The following MUC13 variants were observed in gnomAD, a reference collection of about 807,000 sequenced individuals.
MUC13 encodes the protein mucin 13, cell surface associated, also known as mucin-13.
MUC13 carries 32 observed loss-of-function variants against 48.3 expected under a neutral mutation model. The ratio of observed to expected loss-of-function variants is 0.66; its 90% CI spans 0.50 to 0.89. The LOEUF (loss-of-function observed/expected upper bound fraction) is 0.89. Among genes scored for constraint, MUC13 ranks in the 40% least tolerant of loss-of-function variants. The pLI is 0.00. For missense variants in MUC13, 571 were observed against 622.8 expected (o/e 0.92, Z 0.88); for synonymous variants, 199 against 224.9 (o/e 0.88, Z 1.03).
Position 124,923,583 on chromosome 3 carries a change from G to A in MUC13, c.581C>T (p.Thr194Ile). ...CCCTTCTAAACACAGGCAAAAACTT[G>A]TATTATGCAGCTTAACACATAACGA... is the stretch of plus-strand genomic sequence containing the variant. ...DNSLCVKLHN[T>I]SFCLCLEGYY... Residue 194 changes from threonine (T) to isoleucine (I), a missense_variant, in exon 3 of 12, where the codon ACA (threonine) becomes ATA (isoleucine). Coordinates refer to ENST00000616727, the MANE Select transcript of MUC13 (RefSeq NM_033049.4). The A allele has an allele frequency of 1.2e-6, 2 of 1,613,900 alleles. No individual in the cohort carries two copies. Among genetic ancestry groups the A allele is most frequent in the Non-Finnish European group, 8.5e-7 (1 of 1,179,836 alleles).
chr3:124,911,456 A>G (rs1372668414), intron 9 of MUC13, among the ~76,000 whole-genome samples: 1 of 152,252 alleles, frequency 6.6e-6, no homozygotes, highest in East Asian at 1.9e-4. Flanking sequence ...AATAAAATAC[A>G]GTAGAAATGG....
rs1935573525 is a variant in MUC13, at chr3:124,920,326, A to G, written c.745-37T>C. 4 of 1,543,978 alleles carry G rather than the reference A, an allele frequency of 2.6e-6. No individual in the cohort carries two copies. In the Admixed American group the frequency reaches 5.9e-5, roughly 23 times the overall value. ...AACAGATTTAATAACAAGTAAAAAA[A>G]ATTTTTTTTTCACATTTTCTACAAA... On this transcript the variant is annotated intron_variant, in intron 4 of 11. Transcript: ENST00000616727.
At chr3:124,929,192 T>G (rs1935750668) in intron 1 of MUC13, among the ~76,000 whole-genome samples, 1 of 148,868 alleles carries the variant, frequency 6.7e-6, no homozygotes. Context: ...TTTTTTTTTT[T>G]AGAGACATGG....
intron 1 of MUC13, among the ~76,000 whole-genome samples, chr3:124,929,822 A>G (rs147287188): frequency 8.5e-5 from 13 of 152,372 alleles, no homozygotes; most frequent in Non-Finnish European, 1.8e-4. Context: ...TGTCCTAACT[A>G]TCACTTGATT....
At chr3:124,910,358 AC>A (rs369802870) in intron 10 of MUC13, 56 bp downstream of exon 10, 77 of 1,576,108 alleles carry the variant, frequency 4.9e-5, no homozygotes, top group Admixed American at 2.6e-4. Flanking sequence ...ACATAGTGAG[AC>A]CCCCCCATCT....
chr3:124,909,097 C>T (rs1333496942), intron 10 of MUC13, among the ~76,000 whole-genome samples: 1 of 151,368 alleles, frequency 6.6e-6, no homozygotes, highest in Non-Finnish European at 1.5e-5. Flanking sequence ...GAGGTTGCAG[C>T]GAGCCAAGAT....
chr3:124,916,555 C>A, intron 5 of MUC13, 75 bp from the exon 6 acceptor site: 1 of 1,465,794 alleles, frequency 6.8e-7, no homozygotes, highest in Non-Finnish European at 9.3e-7. Flanking sequence ...TCCCAGACTC[C>A]CGAATCTCCC....
intron 2 of MUC13, among the ~76,000 whole-genome samples, chr3:124,926,388 A>C (rs142922675): frequency 2.2e-3 from 339 of 152,322 alleles, no homozygotes; most frequent in Non-Finnish European, 3.9e-3. Flanking sequence ...ACACCTGGCG[A>C]AGCAGAAATG....
chr3:124,929,781 C>G (rs2107674137), intron 1 of MUC13, among the ~76,000 whole-genome samples: 1 of 152,296 alleles, frequency 6.6e-6, no homozygotes, highest in East Asian at 1.9e-4. Context: ...GGAATTTGCC[C>G]AGAGGCAAAG....
rs545444019 is a variant in MUC13 at position 124,925,203 on chromosome 3, A to G, written c.515-1554T>C. On this transcript the variant is annotated intron_variant, in intron 2 of 11. Coordinates refer to ENST00000616727, the MANE Select transcript of MUC13 (RefSeq NM_033049.4). Reference sequence around the variant, plus strand: ...ATGGAGGAAATGCATGCTACTATGTAAAAGAAGCCAATCTCGAAAGGCTAC... The same window carrying G: ...ATGGAGGAAATGCATGCTACTATGTGAAAGAAGCCAATCTCGAAAGGCTAC... 1.1e-4 allele frequency among the ~76,000 whole-genome samples: 17 copies of G among 152,368 alleles called. No individual in the cohort carries two copies. The South Asian group carries it at 3.5e-3, about 32-fold the overall frequency.
intron 5 of MUC13, 39 bp from the exon 6 acceptor site, chr3:124,916,519 T>C (rs1182088315): frequency 1.3e-6 from 2 of 1,566,490 alleles, no homozygotes; most frequent in Non-Finnish European, 1.7e-6. Flanking sequence ...TGAATTGAAC[T>C]GAAGAATCAA....
chr3:124,924,143 T>C (rs1935650285), intron 2 of MUC13, among the ~76,000 whole-genome samples: 1 of 152,158 alleles, frequency 6.6e-6, no homozygotes, highest in Non-Finnish European at 1.5e-5. Flanking sequence ...CTAGGAGACA[T>C]AGCCATAAAA....
intron 2 of MUC13, 54 bp from the exon 3 acceptor site, chr3:124,923,703 A>T: frequency 6.3e-7 from 1 of 1,580,164 alleles, no homozygotes; most frequent in Non-Finnish European, 8.6e-7. Context: ...ATAAATAACA[A>T]CTGGAAACGT....
At chr3:124,911,029 A>T (rs1192348887) in intron 9 of MUC13, among the ~76,000 whole-genome samples, 1 of 152,214 alleles carries the variant, frequency 6.6e-6, no homozygotes, top group Non-Finnish European at 1.5e-5. Context: ...ATGAGACACA[A>T]TGTAACAGAC....
intron 4 of MUC13, among the ~76,000 whole-genome samples, chr3:124,921,091 T>C (rs543436479): frequency 1.1e-4 from 16 of 152,342 alleles, no homozygotes; most frequent in Non-Finnish European, 2.2e-4. Flanking sequence ...TAATTTCAAA[T>C]TGAGAGACAT....
At chr3:124,921,530 T>C (rs1250419589) in intron 4 of MUC13, among the ~76,000 whole-genome samples, 5 of 152,200 alleles carry the variant, frequency 3.3e-5, no homozygotes, top group African/African-American at 1.2e-4. Context: ...TGGCTGGACA[T>C]GCTCTGAGGG....
At chr3:124,933,890 G>A (rs894638341) in intron 1 of MUC13, among the ~76,000 whole-genome samples, 2 of 152,090 alleles carry the variant, frequency 1.3e-5, no homozygotes, top group African/African-American at 4.8e-5. Flanking sequence ...CCCACATGTG[G>A]CCCATAGAAC....
At chr3:124,912,954 A>C (rs1441024178) in intron 8 of MUC13, among the ~76,000 whole-genome samples, 157 bp downstream of exon 8, 1 of 151,702 alleles carries the variant, frequency 6.6e-6, no homozygotes, top group East Asian at 1.9e-4. Flanking sequence ...AAAAAAAAAA[A>C]AAAACTATTG....
chr3:124,910,524 C>G, intron 9 of MUC13, 25 bp from the exon 10 acceptor site: 4 of 1,613,372 alleles, frequency 2.5e-6, no homozygotes, highest in Non-Finnish European at 3.4e-6. Context: ...AAAATAAGAA[C>G]AGTCTCCAAC....
Sources: gnomAD v4.1 joint callset for allele counts (sites outside exome capture counted in the v4.1 genomes callset) on GRCh38, gnomAD v4.1.1 for gene constraint, MANE v1.5 for transcripts, NCBI Gene and HGNC (gene_info 2026-07-23, HGNC 2026-07-21) for gene names.